The following PTGER3 variants were observed in gnomAD, a reference collection of about 807,000 sequenced individuals.
PTGER3 encodes prostaglandin E2 receptor EP3 subtype.
PTGER3 carries 22 observed loss-of-function variants against 34.7 expected under a neutral mutation model. That is an observed-to-expected ratio of 0.63 (90% CI 0.45 to 0.91). The LOEUF is 0.91. PTGER3 is among the 40% of genes least tolerant of loss of function. PTGER3 has a pLI of 0.00. For synonymous variants in PTGER3, 241 were observed against 230.1 expected (o/e 1.05, Z -0.43); for missense variants, 468 against 519.4 (o/e 0.90, Z 0.96).
chr1:70,946,634 G>A (rs1650252561), intron 4 of PTGER3, among the ~76,000 whole-genome samples: 1 of 152,180 alleles, frequency 6.6e-6, no homozygotes, highest in African/African-American at 2.4e-5. Context: ...TAAAGCTGGT[G>A]TATCTGGTAG....
chr1:70,954,892 G>A (rs1651160716), intron 2 of PTGER3, among the ~76,000 whole-genome samples: 2 of 151,898 alleles, frequency 1.3e-5, no homozygotes, highest in South Asian at 4.1e-4. Flanking sequence ...TTAAAGTAAG[G>A]TATTCTATAT....
At chr1:70,926,594 G>T (rs188583048) in intron 4 of PTGER3, among the ~76,000 whole-genome samples, 1 of 152,126 alleles carries the variant, frequency 6.6e-6, no homozygotes, top group Non-Finnish European at 1.5e-5. Context: ...AGGCAATGGG[G>T]TTTTCTAGAT....
At chr1:70,977,821 A>T (rs916717082) in intron 2 of PTGER3, among the ~76,000 whole-genome samples, 1 of 151,980 alleles carries the variant, frequency 6.6e-6, no homozygotes, top group Non-Finnish European at 1.5e-5. Context: ...TCCTTCCTCC[A>T]AGTGCAGTCG....
chr1:70,920,987 G>A (rs1439469548), intron 4 of PTGER3, among the ~76,000 whole-genome samples: 2 of 152,160 alleles, frequency 1.3e-5, no homozygotes. Context: ...GTAATGTTTA[G>A]ATACATGCAG....
At chr1:70,916,084 A>G (rs1647169685) in intron 4 of PTGER3, among the ~76,000 whole-genome samples, 1 of 152,166 alleles carries the variant, frequency 6.6e-6, no homozygotes, top group Non-Finnish European at 1.5e-5. Context: ...GACCATGAAC[A>G]GAACTTCTCA....
chr1:70,983,298 C>T (rs2268052), intron 2 of PTGER3, among the ~76,000 whole-genome samples: 23,226 of 150,706 alleles, frequency 0.15, 2,541 homozygotes, highest in East Asian at 0.45. Context: ...AAAAAAACAA[C>T]GGAACTTTCT....
chr1:71,019,261 G>A (rs966364115), intron 1 of PTGER3, among the ~76,000 whole-genome samples: 2 of 152,190 alleles, frequency 1.3e-5, no homozygotes, highest in Non-Finnish European at 2.9e-5. Context: ...CTAACAGAGA[G>A]GCTGTTTACT....
chr1:71,044,336 C>T (rs1660569999), intron 1 of PTGER3, among the ~76,000 whole-genome samples: 1 of 150,386 alleles, frequency 6.6e-6, no homozygotes, highest in Non-Finnish European at 1.5e-5. Context: ...ACTCCAAAGG[C>T]TGAGGCAGTA....
intron 2 of PTGER3, chr1:71,006,750 G>A (rs1657006271): frequency 1.0e-6 from 1 of 985,022 alleles, no homozygotes; most frequent in African/African-American, 1.7e-5. Context: ...ATTACATTGT[G>A]CTATTATTTG....
intron 4 of PTGER3, among the ~76,000 whole-genome samples, chr1:70,911,321 C>T (rs1351265931): frequency 6.6e-6 from 1 of 151,580 alleles, no homozygotes; most frequent in Non-Finnish European, 1.5e-5. Flanking sequence ...ATGTCTCCCC[C>T]CACAGTTACA....
chr1:70,859,325 TAG>T (rs1645877521), intron 4 of PTGER3, among the ~76,000 whole-genome samples: 1 of 152,224 alleles, frequency 6.6e-6, no homozygotes, highest in Non-Finnish European at 1.5e-5. Flanking sequence ...TGAAAAATGT[TAG>T]AGTCATGTAT....
intron 2 of PTGER3, among the ~76,000 whole-genome samples, chr1:70,960,777 C>T (rs1651851321): frequency 6.6e-6 from 1 of 152,136 alleles, no homozygotes. Flanking sequence ...ATAATGAAGT[C>T]AAGGGAAAAG....
downstream of PTGER3, among the ~76,000 whole-genome samples, chr1:70,950,446 G>T (rs1240687486): frequency 6.6e-6 from 1 of 152,104 alleles, no homozygotes. Context: ...ACCTCACTGG[G>T]TCACAAGTTC....
At chr1:70,999,459 CA>C (rs1298967378) in intron 2 of PTGER3, among the ~76,000 whole-genome samples, 3 of 152,162 alleles carry the variant, frequency 2.0e-5, no homozygotes, top group African/African-American at 7.2e-5. Flanking sequence ...AACTCAGAAA[CA>C]GGGGGCAAGA....
intron 2 of PTGER3, among the ~76,000 whole-genome samples, chr1:70,977,858 CTTCT>C (rs1158237507): frequency 4.6e-5 from 7 of 152,138 alleles, no homozygotes; most frequent in Admixed American, 1.3e-4. Context: ...TTAACACCAG[CTTCT>C]TTAAGTGACA....
At chr1:71,025,149 C>CTTCCTTCCTTCA (rs1323823849) in intron 1 of PTGER3, among the ~76,000 whole-genome samples, 32 of 148,258 alleles carry the variant, frequency 2.2e-4, no homozygotes, top group African/African-American at 8.0e-4. Context: ...TCCTTCCTTC[C>CTTCCTTCCTTCA]TTCCTTCCTT....
At chr1:70,954,101 A>T (rs1316245038) in intron 2 of PTGER3, among the ~76,000 whole-genome samples, 1 of 152,082 alleles carries the variant, frequency 6.6e-6, no homozygotes, top group Non-Finnish European at 1.5e-5. Context: ...CCTCTGTCAC[A>T]CGCTGCTCCC....
intron 1 of PTGER3, among the ~76,000 whole-genome samples, chr1:71,042,314 T>C (rs1011226897): frequency 6.6e-6 from 1 of 150,668 alleles, no homozygotes; most frequent in Non-Finnish European, 1.5e-5. Context: ...AGTCATGAAG[T>C]CATGAAATGA....
At chr1:71,029,183 AC>A (rs1443652716) in intron 1 of PTGER3, among the ~76,000 whole-genome samples, 1 of 152,206 alleles carries the variant, frequency 6.6e-6, no homozygotes, top group African/African-American at 2.4e-5. Flanking sequence ...TGTCCTTTTC[AC>A]TTAATTACAC....
Sources: gnomAD v4.1 joint callset for allele counts (sites outside exome capture counted in the v4.1 genomes callset) on GRCh38, gnomAD v4.1.1 for gene constraint, MANE v1.5 for transcripts, NCBI Gene and HGNC (gene_info 2026-07-23, HGNC 2026-07-21) for gene names.